The following SIGLEC9 variants were observed in gnomAD, a reference collection of about 807,000 sequenced individuals.
SIGLEC9 encodes sialic acid-binding Ig-like lectin 9.
SIGLEC9 carries 26 observed loss-of-function variants against 38.3 expected under a neutral mutation model. The ratio of observed to expected loss-of-function variants is 0.68; its 90% CI spans 0.50 to 0.94. The LOEUF (loss-of-function observed/expected upper bound fraction) is 0.94. SIGLEC9 is among the 40% of genes least tolerant of loss of function. The pLI is 0.00. For synonymous variants in SIGLEC9, 236 were observed against 248.0 expected (o/e 0.95, Z 0.45); for missense variants, 556 against 585.7 (o/e 0.95, Z 0.52).
At chr19:51,126,694 A>G (rs1433392495) in intron 3 of SIGLEC9, among the ~76,000 whole-genome samples, 1 of 152,220 alleles carries the variant, frequency 6.6e-6, no homozygotes, top group Non-Finnish European at 1.5e-5. Context: ...ATTTTGTGGC[A>G]TCTCCTAATG....
chr19:51,126,320 A>T (rs1363074911), intron 3 of SIGLEC9, among the ~76,000 whole-genome samples, 192 bp downstream of exon 3: 1 of 136,570 alleles, frequency 7.3e-6, no homozygotes, highest in African/African-American at 2.7e-5. Context: ...GGACTCCCCC[A>T]CACACCCCCC....
upstream of SIGLEC9, among the ~76,000 whole-genome samples, chr19:51,124,193 A>C (rs927064205): frequency 2.6e-5 from 4 of 152,164 alleles, no homozygotes; most frequent in African/African-American, 9.7e-5. Flanking sequence ...CCCACAGTAC[A>C]ACAGTCACAG....
In SIGLEC9 at chr19:51,128,051, C is replaced by G; in HGVS notation, c.1106+12C>G. ...GTCATCTTCGTTGTGTAAGCATGGA[C>G]CCTAGAGAGGGAGGGAGGGAGAGCC... On this transcript the variant is annotated intron_variant, in intron 5 of 6. Coordinates refer to ENST00000250360, the MANE Select transcript of SIGLEC9 (RefSeq NM_014441.3). 6.2e-7 allele frequency: 1 copy of G among 1,603,946 alleles called. No homozygotes were observed. The highest frequency in any genetic ancestry group is 8.5e-7 in the Non-Finnish European group (1 of 1,171,392).
downstream of SIGLEC9, among the ~76,000 whole-genome samples, chr19:51,131,590 A>T (rs530685302): frequency 3.1e-3 from 468 of 150,656 alleles, 1 homozygote; most frequent in Middle Eastern, 0.011. Flanking sequence ...CGTCTCAAAA[A>T]AAATAAATAA....
In SIGLEC9 at chr19:51,125,563, C is replaced by T. The variant is rs143485554; in HGVS notation, c.422-34C>T. The T allele has an allele frequency of 1.0e-5, 16 of 1,605,666 alleles. No homozygotes were observed. In the East Asian group the frequency reaches 3.6e-4, roughly 36 times the overall value. ...CCCCCAGGGCTGCACCATGGATCCT[C>T]TGACCTGATCCTGAGTCCCCCTCTC... On this transcript the variant is annotated intron_variant, in intron 1 of 6. Coordinates refer to ENST00000250360, the MANE Select transcript of SIGLEC9 (RefSeq NM_014441.3).
downstream of SIGLEC9, chr19:51,130,311 CCT>C: frequency 1.4e-6 from 1 of 702,850 alleles, no homozygotes; most frequent in Non-Finnish European, 2.0e-6. Flanking sequence ...CAAATTCCTA[CCT>C]CTCTGTACCT....
At chr19:51,135,126 T>C (rs1193697002), downstream of SIGLEC9, among the ~76,000 whole-genome samples, 1 of 152,216 alleles carries the variant, frequency 6.6e-6, no homozygotes, top group Admixed American at 6.5e-5. Flanking sequence ...AGCTGGTTGT[T>C]ATGTAGACGT....
chr19:51,132,172 C>T (rs969685248), downstream of SIGLEC9, among the ~76,000 whole-genome samples: 1 of 152,168 alleles, frequency 6.6e-6, no homozygotes, highest in Admixed American at 6.5e-5. Flanking sequence ...CTCCCCAGCC[C>T]GTGCTTCCTC....
At chr19:51,128,561 C>T (rs768917865) in intron 6 of SIGLEC9, 51 bp downstream of exon 6, 3 of 1,537,862 alleles carry the variant, frequency 2.0e-6, no homozygotes, top group African/African-American at 2.7e-5. Flanking sequence ...ACACCTCCCA[C>T]AGGATGACCC....
Position 51,135,581 on chromosome 19 carries a change from T to G in SIGLEC9, c.1204-381T>G, listed in dbSNP as rs568673881. 2.6e-5 allele frequency among the ~76,000 whole-genome samples: 4 copies of G among 152,274 alleles called. No individual in the cohort carries two copies. The South Asian group carries it at 6.2e-4, about 24-fold the overall frequency. ...GGGATGGTAATCTTGTACAGTATCT[T>G]CCTGGGGTTCTCTGAATTTCCTGAA... On this transcript the variant is annotated intron_variant, in intron 6 of 6. Transcript: ENST00000440804.
intron 3 of SIGLEC9, 43 bp from the exon 4 acceptor site, chr19:51,126,987 C>T (rs2091982542): frequency 6.3e-7 from 1 of 1,576,536 alleles, no homozygotes; most frequent in Non-Finnish European, 8.7e-7. Flanking sequence ...CCTTTTTCTC[C>T]AGATCTATGT....
chr19:51,125,112 C>G lies in SIGLEC9; in HGVS notation c.138C>G (p.Pro46=). ...ATGTGCCCTGCTCCTTCTCCTACCC[C>G]TCGCATGGCTGGATTTACCCTGGCC... The part of the protein sequence containing the change: ...CVHVPCSFSY[P]SHGWIYPGPV... Residue 46 remains proline, a synonymous_variant, in exon 1 of 7, where the codon CCC becomes CCG. Coordinates refer to ENST00000250360, the MANE Select transcript of SIGLEC9 (RefSeq NM_014441.3). The G allele has an allele frequency of 1.2e-6, 2 of 1,614,050 alleles. No individual in the cohort carries two copies. The highest frequency in any genetic ancestry group is 1.7e-6 in the Non-Finnish European group (2 of 1,179,998).
chr19:51,135,234 G>C (rs1357270735), downstream of SIGLEC9, among the ~76,000 whole-genome samples: 1 of 152,082 alleles, frequency 6.6e-6, no homozygotes, highest in Admixed American at 6.5e-5. Flanking sequence ...TTCTGTGTTT[G>C]GCACTCACTT....
downstream of SIGLEC9, among the ~76,000 whole-genome samples, chr19:51,130,498 A>G (rs1441559455): frequency 6.6e-6 from 1 of 152,150 alleles, no homozygotes; most frequent in Admixed American, 6.5e-5. Flanking sequence ...TCTGGTGGCA[A>G]CTAGTACTTA....
At chr19:51,121,874 C>T (rs1380635259), upstream of SIGLEC9, among the ~76,000 whole-genome samples, 1 of 152,076 alleles carries the variant, frequency 6.6e-6, no homozygotes. Flanking sequence ...AGATCTGAGC[C>T]GCCGCACCCA....
chr19:51,128,169 G>A (rs1485258393), intron 5 of SIGLEC9, 130 bp downstream of exon 5: 3 of 828,498 alleles, frequency 3.6e-6, no homozygotes, highest in Non-Finnish European at 5.9e-6. Flanking sequence ...GAGGTCACAG[G>A]TGCATGGTGA....
At chr19:51,121,832 A>C (rs273678), upstream of SIGLEC9, among the ~76,000 whole-genome samples, 22,146 of 151,304 alleles carry the variant, frequency 0.15, 5,424 homozygotes, top group African/African-American at 0.51. Context: ...AGGTGATCCA[A>C]CCGCCTTGGC....
At chr19:51,126,058 G>T (rs763877956) in intron 2 of SIGLEC9, 23 bp from the exon 3 acceptor site, 3 of 1,613,030 alleles carry the variant, frequency 1.9e-6, no homozygotes, top group South Asian at 2.2e-5. Flanking sequence ...AGTGATGCGG[G>T]TCTCCATGTC....
chr19:51,134,156 T>C (rs953749553), downstream of SIGLEC9, among the ~76,000 whole-genome samples: 13 of 127,560 alleles, frequency 1.0e-4, no homozygotes, highest in African/African-American at 4.1e-4. Flanking sequence ...TCTTTTTTTT[T>C]TTTTTTTTTT....
Sources: gnomAD v4.1 joint callset for allele counts (sites outside exome capture counted in the v4.1 genomes callset) on GRCh38, gnomAD v4.1.1 for gene constraint, MANE v1.5 for transcripts, NCBI Gene and HGNC (gene_info 2026-07-23, HGNC 2026-07-21) for gene names.